USO1: variants seen among roughly 807,000 people sequenced by gnomAD.
USO1 encodes USO1 vesicle transport factor, also known as general vesicular transport factor p115.
Under a neutral mutation model 124.5 loss-of-function variants are expected in USO1, and 57 were observed. That is an observed-to-expected ratio of 0.46 (90% CI 0.37 to 0.57). USO1 has a LOEUF of 0.57. Among genes scored for constraint, USO1 ranks in the 20% least tolerant of loss-of-function variants. USO1 has a pLI of 0.00. For missense variants in USO1, 900 were observed against 1,040.6 expected (o/e 0.86, Z 1.86); for synonymous variants, 369 against 362.8 (o/e 1.02, Z -0.19).
chr4:75,774,723 G>T lies in USO1; in HGVS notation c.603G>T (p.Gln201His). The change falls in exon 8 of 24, where the codon CAG becomes CAT. Residue 201 changes from glutamine to histidine, a missense_variant. By Grantham distance (24) the Gln-to-His change is conservative (BLOSUM62 0). Coordinates refer to ENST00000514213, the MANE Select transcript of USO1 (RefSeq NM_003715.4). ...TAACAAGAAGCAATGGTGCAATCCAGAAAATTGTTGCTTTTGAAAATGCTT... is the reference window on the plus strand; with the variant it reads ...TAACAAGAAGCAATGGTGCAATCCATAAAATTGTTGCTTTTGAAAATGCTT... ...QALTRSNGAI[Q>H]KIVAFENAFE... is the part of the protein sequence containing the mutation. The T allele has an allele frequency of 6.2e-7, 1 of 1,613,694 alleles. No individual in the cohort carries two copies. Among genetic ancestry groups the T allele is most frequent in the Non-Finnish European group, 8.5e-7 (1 of 1,179,726 alleles).
rs1410578076 is a variant in USO1, at chr4:75,772,216, TAATAC to T, written c.555+1081_555+1085del. On this transcript the variant is annotated intron_variant, in intron 7 of 23. Transcript: ENST00000514213. ...AATTCAGTATTATAGGTAGTGAACT[TAATAC>T]AGTATGTAACTTACAAGAAGGACAT... Among the ~76,000 whole-genome samples, 5 of 152,290 alleles carry T rather than the reference TAATAC, an allele frequency of 3.3e-5. No homozygotes were observed. The East Asian group carries it at 9.6e-4, about 29-fold the overall frequency.
At chr4:75,753,009 A>C (rs1721333416) in intron 3 of USO1, among the ~76,000 whole-genome samples, 2 of 152,146 alleles carry the variant, frequency 1.3e-5, no homozygotes, top group Non-Finnish European at 1.5e-5. Context: ...ATTCATTTAC[A>C]CTGGGCAAGT....
intron 10 of USO1, among the ~76,000 whole-genome samples, chr4:75,788,775 C>T (rs780170455): frequency 2.0e-5 from 3 of 151,900 alleles, no homozygotes; most frequent in Non-Finnish European, 2.9e-5. Flanking sequence ...TCAAGTGATC[C>T]GCCCACCTCA....
intron 4 of USO1, among the ~76,000 whole-genome samples, chr4:75,766,234 T>C (rs913898283): frequency 2.0e-5 from 3 of 152,230 alleles, no homozygotes; most frequent in African/African-American, 4.8e-5. Context: ...CTTTTTCTTA[T>C]GTCTTTTGCA....
intron 10 of USO1, among the ~76,000 whole-genome samples, chr4:75,787,727 C>T (rs2149179115): frequency 6.6e-6 from 1 of 152,254 alleles, no homozygotes; most frequent in Admixed American, 6.5e-5. Context: ...TGCCTTCAGC[C>T]TCAATTGTCC....
chr4:75,765,595 T>C (rs557523604), intron 4 of USO1, among the ~76,000 whole-genome samples: 1 of 151,484 alleles, frequency 6.6e-6, no homozygotes, highest in Non-Finnish European at 1.5e-5. Flanking sequence ...GTAAATAAAA[T>C]GGGAAGGGTG....
At chr4:75,794,088 A>T (rs761778744) in intron 13 of USO1, among the ~76,000 whole-genome samples, 187 bp downstream of exon 13, 1 of 152,212 alleles carries the variant, frequency 6.6e-6, no homozygotes, top group Non-Finnish European at 1.5e-5. Context: ...TAGTTTTGCT[A>T]AATAGTTATA....
chr4:75,760,668 A>T (rs1042050221), intron 4 of USO1: 1 of 397,128 alleles, frequency 2.5e-6, no homozygotes, highest in African/African-American at 2.1e-5. Flanking sequence ...ATATAAAAGG[A>T]CACTGTCAAG....
At chr4:75,779,931 C>T (rs1055693657) in intron 8 of USO1, among the ~76,000 whole-genome samples, 6 of 152,204 alleles carry the variant, frequency 3.9e-5, no homozygotes, top group African/African-American at 1.4e-4. Context: ...AAAGGACAAG[C>T]TGACTCTCTT....
At position 75,724,619 on chromosome 4, in the gene USO1, C is replaced by A. The variant is rs191445364; in HGVS notation, c.-201C>A. ...TTCGAGCCGCCACGTAATGCCACGT[C>A]CCCGCGCATGCGCATCTTGGCCGCT... On this transcript the variant is annotated 5_prime_UTR_variant, in exon 1 of 24. Transcript: ENST00000514213. The A allele has an allele frequency of 3.4e-6, 2 of 581,210 alleles. No homozygotes were observed. The highest frequency in any genetic ancestry group is 6.1e-6 in the Non-Finnish European group (2 of 326,350). 36.0% of individuals were successfully genotyped at this position (581,210 alleles called of 1,614,324 possible).
chr4:75,793,924 A>G (rs1237297239), intron 13 of USO1, 23 bp downstream of exon 13: 1 of 1,613,506 alleles, frequency 6.2e-7, no homozygotes, highest in Admixed American at 1.7e-5. Flanking sequence ...ATAAGGGAAA[A>G]AGTTCTATAC....
At chr4:75,779,723 G>C (rs1032094215) in intron 8 of USO1, among the ~76,000 whole-genome samples, 2 of 152,216 alleles carry the variant, frequency 1.3e-5, no homozygotes, top group Non-Finnish European at 2.9e-5. Flanking sequence ...GAAAGAAGCT[G>C]TCTCCCTAAC....
At chr4:75,739,910 T>C (rs2149143263) in intron 1 of USO1, among the ~76,000 whole-genome samples, 1 of 152,280 alleles carries the variant, frequency 6.6e-6, no homozygotes, top group South Asian at 2.1e-4. Context: ...TTGTCTGGTG[T>C]TCCTAAGCAC....
At chr4:75,791,751 A>G (rs1722538529) in intron 12 of USO1, among the ~76,000 whole-genome samples, 1 of 152,160 alleles carries the variant, frequency 6.6e-6, no homozygotes. Context: ...TTTTAATTAC[A>G]TACATTGAGG....
Position 75,770,845 on chromosome 4 carries a change from G to A in USO1, c.420G>A (p.Trp140Ter). The A allele has an allele frequency of 6.2e-7, 1 of 1,613,266 alleles. No individual in the cohort carries two copies. The highest frequency in any genetic ancestry group is 1.1e-5 in the South Asian group (1 of 90,922). Reference protein sequence around the residue: ...LLEEFDFHVRWPGVKLLTSLL... With the variant: ...LLEEFDFHVR ...AGGAGTTTGATTTCCATGTCCGCTGGCCTGGTGTGAAGCTTCTTACTTCTC... is the reference window on the plus strand; with the variant it reads ...AGGAGTTTGATTTCCATGTCCGCTGACCTGGTGTGAAGCTTCTTACTTCTC... Residue 140 changes from tryptophan (W) to a stop codon, truncating the protein, a stop_gained, in exon 6 of 24, where the codon TGG becomes TGA. Coordinates refer to ENST00000514213, the MANE Select transcript of USO1 (RefSeq NM_003715.4). LOFTEE classifies it high-confidence loss of function.
rs541734538 is a variant in USO1 at position 75,739,999 on chromosome 4, G to T, written c.67-12374G>T. 4.6e-5 allele frequency among the ~76,000 whole-genome samples: 7 copies of T among 152,160 alleles called. No homozygotes were observed. The East Asian group carries it at 1.4e-3, about 29-fold the overall frequency. The stretch of plus-strand genomic sequence containing the variant: ...CTGAGGCATGTGTTATAGTGCTGTT[G>T]GCCATGAGATCAATATTAATGGTCA... On this transcript the variant is annotated intron_variant, in intron 1 of 23. Coordinates refer to ENST00000514213, the MANE Select transcript of USO1 (RefSeq NM_003715.4).
At chr4:75,725,249 C>A (rs1386887167) in intron 1 of USO1, among the ~76,000 whole-genome samples, 1 of 152,174 alleles carries the variant, frequency 6.6e-6, no homozygotes, top group African/African-American at 2.4e-5. Context: ...CTCCCTCTTT[C>A]TCTTTCGCTC....
intron 17 of USO1, among the ~76,000 whole-genome samples, chr4:75,802,736 C>CT (rs997798305): frequency 0.04 from 2,559 of 63,718 alleles, 184 homozygotes; most frequent in African/African-American, 0.13. Flanking sequence ...TTTTTCTTTT[C>CT]TTTTTTTTTT....
chr4:75,753,944 C>T (rs371359982), intron 3 of USO1, among the ~76,000 whole-genome samples: 2 of 151,842 alleles, frequency 1.3e-5, no homozygotes, highest in Non-Finnish European at 2.9e-5. Context: ...CCCACCACCA[C>T]ACCTGGCTAA....
Sources: gnomAD v4.1 joint callset for allele counts (sites outside exome capture counted in the v4.1 genomes callset) on GRCh38, gnomAD v4.1.1 for gene constraint, MANE v1.5 for transcripts, NCBI Gene and HGNC (gene_info 2026-07-23, HGNC 2026-07-21) for gene names.